DMD: variants seen among roughly 807,000 people sequenced by gnomAD.
DMD encodes the protein mutant dystrophin.
In DMD, 63 loss-of-function variants were observed where a neutral mutation model predicts 330.1. That is an observed-to-expected ratio of 0.19 (90% CI 0.16 to 0.24). The LOEUF is 0.24. DMD is among the 10% of genes least tolerant of loss of function. The pLI, the probability that DMD is intolerant of heterozygous loss-of-function variation, is 1.00. For missense variants in DMD, 3,344 were observed against 2,684.1 expected (o/e 1.25, Z -5.43); for synonymous variants, 1,223 against 959.8 (o/e 1.27, Z -5.07).
intron 2 of DMD, among the ~76,000 whole-genome samples, chrX:32,883,826 A>G (rs1230072286): frequency 1.2e-5 from 1 of 83,874 alleles, no homozygotes; most frequent in Admixed American, 1.3e-4. Flanking sequence ...TCTGTTTCAA[A>G]AAAAAAAAAA....
intron 1 of DMD, among the ~76,000 whole-genome samples, chrX:33,275,586 T>C (rs17339086): frequency 0.04 from 4,458 of 111,773 alleles, 225 homozygotes; most frequent in East Asian, 0.35. Context: ...GTGTAATTAA[T>C]GCTAGAGAAG....
chrX:32,783,959 C>G (rs1323098319), intron 7 of DMD, among the ~76,000 whole-genome samples: 1 of 104,166 alleles, frequency 9.6e-6, no homozygotes, highest in East Asian at 2.9e-4. Flanking sequence ...TTTCCCGATC[C>G]AAGCTATTAA....
At chrX:31,665,906 G>A (rs2081397965) in intron 53 of DMD, among the ~76,000 whole-genome samples, 1 of 111,904 alleles carries the variant, frequency 8.9e-6, no homozygotes, top group Admixed American at 9.5e-5. Flanking sequence ...AAGAAGGGAG[G>A]AGAGGTCTCC....
chrX:32,706,732 T>C (rs995037315), intron 7 of DMD, among the ~76,000 whole-genome samples: 5 of 111,826 alleles, frequency 4.5e-5, no homozygotes, highest in African/African-American at 1.6e-4. Flanking sequence ...AACCTACCAA[T>C]ACAAATGGAA....
intron 55 of DMD, among the ~76,000 whole-genome samples, chrX:31,546,832 A>G (rs934565667): frequency 1.8e-5 from 2 of 112,117 alleles, no homozygotes; most frequent in African/African-American, 6.5e-5. Context: ...GGTCTTATTA[A>G]TCTTCATATC....
chrX:32,855,500 C>T (rs2081473329), intron 2 of DMD, among the ~76,000 whole-genome samples: 1 of 111,864 alleles, frequency 8.9e-6, no homozygotes, highest in East Asian at 2.8e-4. Context: ...AGAGCCCAGA[C>T]ACAACTCCAC....
At chrX:32,370,468 T>TAGAA (rs2097871219) in intron 34 of DMD, among the ~76,000 whole-genome samples, 1 of 111,426 alleles carries the variant, frequency 9.0e-6, no homozygotes, top group Admixed American at 9.6e-5. Flanking sequence ...GTATTGACTT[T>TAGAA]TTAATAACAC....
At chrX:32,016,865 G>A (rs1294591201) in intron 44 of DMD, among the ~76,000 whole-genome samples, 1 of 112,566 alleles carries the variant, frequency 8.9e-6, no homozygotes, top group African/African-American at 3.2e-5. Flanking sequence ...AAACACAGAT[G>A]AAAAGTTTTT....
At chrX:31,859,174 G>A (rs1036254860) in intron 48 of DMD, among the ~76,000 whole-genome samples, 28 of 111,294 alleles carry the variant, frequency 2.5e-4, no homozygotes, top group African/African-American at 8.5e-4. Flanking sequence ...TACCTGCATA[G>A]AGATCTCAGG....
At chrX:31,178,009 C>T (rs1196220709) in intron 70 of DMD, 39 bp from the exon 71 acceptor site, 3 of 1,164,551 alleles carry the variant, frequency 2.6e-6, no homozygotes, top group Non-Finnish European at 3.5e-6. Flanking sequence ...GAGACACACG[C>T]AAACTCAGCC....
At chrX:31,348,199 A>G in intron 61 of DMD, 1 of 221,447 alleles carries the variant, frequency 4.5e-6, no homozygotes, top group Non-Finnish European at 8.2e-6. Flanking sequence ...TTTTTGCTTC[A>G]GCAGCCCATA....
chrX:32,179,288 T>A (rs2096919089), intron 44 of DMD, among the ~76,000 whole-genome samples: 1 of 111,549 alleles, frequency 9.0e-6, no homozygotes, highest in Admixed American at 9.6e-5. Flanking sequence ...GAAACTGTTT[T>A]TCTTCCTTTA....
intron 2 of DMD, among the ~76,000 whole-genome samples, chrX:32,870,428 A>C (rs191336624): frequency 8.9e-6 from 1 of 111,924 alleles, no homozygotes; most frequent in East Asian, 2.8e-4. Context: ...AAAAAAGAAA[A>C]CTGTTTTAAA....
At chrX:31,303,592 CA>C (rs1056293626) in intron 62 of DMD, among the ~76,000 whole-genome samples, 4 of 111,443 alleles carry the variant, frequency 3.6e-5, no homozygotes, top group African/African-American at 1.3e-4. Context: ...CCTTTCTCAC[CA>C]TATCCAAACT....
At chrX:33,294,272 A>T in intron 1 of DMD, among the ~76,000 whole-genome samples, 1 of 111,411 alleles carries the variant, frequency 9.0e-6, no homozygotes, top group Non-Finnish European at 1.9e-5. Context: ...TTATTTTATT[A>T]CAATTTTCAC....
chrX:32,766,282 G>A (rs909260144), intron 7 of DMD, among the ~76,000 whole-genome samples: 2 of 111,209 alleles, frequency 1.8e-5, no homozygotes, highest in Non-Finnish European at 1.9e-5. Flanking sequence ...TTTGTTTTGA[G>A]TAACTCGGAT....
In DMD at chrX:31,398,979, G is replaced by T. The variant is rs191588347; in HGVS notation, c.9084+45502C>A. Among the ~76,000 whole-genome samples, 285 of 109,573 alleles carry T rather than the reference G, an allele frequency of 2.6e-3. 1 individual carries two copies. Among genetic ancestry groups the T allele is most frequent in the African/African-American group, 8.8e-3 (263 of 29,901 alleles). ...TTGAGTGCTGGCAAGAGTGAACACC[G>T]TACGGGCCCTGCAGCAGCCTCTAGG... On this transcript the variant is annotated intron_variant, in intron 60 of 78. Transcript: ENST00000357033.
At chrX:31,401,447 C>T (rs1341373573) in intron 60 of DMD, among the ~76,000 whole-genome samples, 1 of 112,163 alleles carries the variant, frequency 8.9e-6, no homozygotes, top group Non-Finnish European at 1.9e-5. Flanking sequence ...TATTTATCTG[C>T]AACAATGAGT....
intron 12 of DMD, 76 bp downstream of exon 12, chrX:32,614,227 T>C: frequency 2.0e-6 from 2 of 976,817 alleles, no homozygotes; most frequent in South Asian, 4.4e-5. Flanking sequence ...AACCATGTCA[T>C]CTGTGTTACT....
Sources: gnomAD v4.1 joint callset for allele counts (sites outside exome capture counted in the v4.1 genomes callset) on GRCh38, gnomAD v4.1.1 for gene constraint, MANE v1.5 for transcripts, NCBI Gene and HGNC (gene_info 2026-07-23, HGNC 2026-07-21) for gene names.